The following ABCG1 variants were observed in gnomAD, a reference collection of about 807,000 sequenced individuals.
ABCG1 encodes the protein ATP binding cassette subfamily G member 1, also known as ATP-binding cassette sub-family G member 1.
Under a neutral mutation model 69.2 loss-of-function variants are expected in ABCG1, and 29 were observed. That is an observed-to-expected ratio of 0.42 (90% CI 0.31 to 0.57). The LOEUF (loss-of-function observed/expected upper bound fraction) is 0.57, where lower values mean the gene tolerates loss of function less well. ABCG1 is among the 20% of genes least tolerant of loss of function. ABCG1 has a pLI of 0.15. For missense variants in ABCG1, 718 were observed against 898.1 expected, an observed-to-expected ratio of 0.80 and a Z score of 2.56; for synonymous variants, 370 against 374.8, an observed-to-expected ratio of 0.99 and a Z score of 0.15.
chr21:42,260,527 A>G (rs2068390322), intron 2 of ABCG1, among the ~76,000 whole-genome samples: 1 of 152,150 alleles, frequency 6.6e-6, no homozygotes, highest in African/African-American at 2.4e-5. Context: ...GAGGAGCCGC[A>G]TGGAAGGGCC....
intron 2 of ABCG1, among the ~76,000 whole-genome samples, chr21:42,253,052 G>T (rs920401639): frequency 6.6e-6 from 1 of 152,198 alleles, no homozygotes; most frequent in African/African-American, 2.4e-5. Flanking sequence ...TAGCACACAG[G>T]GAGGGTCATG....
Position 42,276,618 on chromosome 21 carries a change from G to A in ABCG1, c.538-277G>A, listed in dbSNP as rs1340389597. On this transcript the variant is annotated intron_variant, in intron 4 of 14. Transcript: ENST00000398449. This position sits in a 1 kb window ranked among gnomAD's most constrained non-coding sequence, Gnocchi z 5.3. ...TAGCTGCACGGTGGCTAGTGGCACC[G>A]TGGCTAGCTGCATGGTGGCTAGTTG... The A allele has an allele frequency of 1.2e-5, 5 of 424,888 alleles. No homozygotes were observed. Among genetic ancestry groups the A allele is most frequent in the Non-Finnish European group, 2.1e-5 (5 of 235,866 alleles). The allele number at this position is 424,888 out of a possible 1,614,324, so 26.3% of individuals were successfully genotyped here.
At chr21:42,260,123 C>T (rs1177274805) in intron 2 of ABCG1, 23 of 1,550,300 alleles carry the variant, frequency 1.5e-5, no homozygotes, top group Admixed American at 5.9e-5. Context: ...GGTTTCCTGG[C>T]GATCCCATGG....
Position 42,287,625 on chromosome 21 carries a change from G to A in ABCG1, c.974-264G>A, listed in dbSNP as rs181561142. On this transcript the variant is annotated intron_variant, in intron 8 of 14. Coordinates refer to ENST00000398449, the MANE Select transcript of ABCG1 (RefSeq NM_016818.3). The surrounding 1 kb of genome is among the most constrained non-coding windows in gnomAD (Gnocchi z 6.2). Reference sequence around the variant, plus strand: ...CCGGCTGGATGAGCAGTCGGTAGATGCAGGAGCTCATTACTTCTCAGACCA... The same window carrying A: ...CCGGCTGGATGAGCAGTCGGTAGATACAGGAGCTCATTACTTCTCAGACCA... Among the ~76,000 whole-genome samples the A allele has an allele frequency of 2.6e-5, 4 of 152,192 alleles. No homozygotes were observed. Among genetic ancestry groups the A allele is most frequent in the Non-Finnish European group, 1.5e-5 (1 of 68,034 alleles).
At chr21:42,292,455 C>G (rs370708081) in intron 13 of ABCG1, among the ~76,000 whole-genome samples, 2 of 152,178 alleles carry the variant, frequency 1.3e-5, no homozygotes. Flanking sequence ...AGGCCAGCCC[C>G]AGTGCACCTG....
rs1475213378 is a variant in ABCG1, at chr21:42,294,430, GC to G, written c.1654-109del. On this transcript the variant is annotated intron_variant, in intron 13 of 14. Transcript: ENST00000398449. ...CCACATTAAGCATCATCATTACCCT[GC>G]CCAGAAGGTGCCCTGGCCCTGCCCG... The G allele has an allele frequency of 1.9e-5, 15 of 806,582 alleles. No individual in the cohort carries two copies. In the East Asian group the frequency reaches 3.4e-4, roughly 18 times the overall value. 50.0% of individuals were successfully genotyped at this position (806,582 alleles called of 1,614,324 possible).
Position 42,225,394 on chromosome 21 carries a change from T to C in ABCG1, c.43-277T>C, listed in dbSNP as rs571530266. On this transcript the variant is annotated intron_variant, in intron 1 of 14. Coordinates refer to ENST00000398449, the MANE Select transcript of ABCG1 (RefSeq NM_016818.3). ...CTTCTTTGAGGCAAGTGATGATTCA[T>C]GGATTATAGTTTTATGATTAGATTT... 5.3e-5 allele frequency among the ~76,000 whole-genome samples: 8 copies of C among 152,352 alleles called. No individual in the cohort carries two copies. The South Asian group carries it at 1.7e-3, about 32-fold the overall frequency.
chr21:42,240,265 T>A (rs1221675834), intron 2 of ABCG1, among the ~76,000 whole-genome samples: 1 of 152,036 alleles, frequency 6.6e-6, no homozygotes, highest in Non-Finnish European at 1.5e-5. Flanking sequence ...GGGCGATGAG[T>A]TCAAGTTCCT....
rs139448062 is a variant in ABCG1, at chr21:42,288,260, C to G, written c.1172C>G (p.Thr391Arg). Residue 391 changes from threonine to arginine, a missense_variant, in exon 10 of 15, where the codon ACG (threonine) becomes AGG (arginine). Thr to Arg is a moderately conservative substitution (Grantham distance 71). Coordinates refer to ENST00000398449, the MANE Select transcript of ABCG1 (RefSeq NM_016818.3). The surrounding 1 kb of genome is among the most constrained non-coding windows in gnomAD (Gnocchi z 4.8). ...GCHSFSASCLTQFCILFKRTF... is the reference protein window; with the variant it reads ...GCHSFSASCLRQFCILFKRTF... ...CACAGCTTCTCTGCCAGCTGCCTCA[C>G]GCAGTTCTGCATCCTCTTCAAGAGG... The G allele has an allele frequency of 1.9e-6, 3 of 1,614,184 alleles. No homozygotes were observed. The highest frequency in any genetic ancestry group is 2.5e-6 in the Non-Finnish European group (3 of 1,180,020).
chr21:42,210,418 A>G (rs767916231), intron 2 of ABCG1, among the ~76,000 whole-genome samples: 1 of 152,114 alleles, frequency 6.6e-6, no homozygotes, highest in African/African-American at 2.4e-5. Context: ...TGTGGGAAGG[A>G]GGCCTCCAGT....
Position 42,219,870 on chromosome 21 carries a change from A to C in ABCG1, c.42+566A>C, listed in dbSNP as rs1454996187. 8 of 1,535,442 alleles carry C rather than the reference A, an allele frequency of 5.2e-6. No homozygotes were observed. Among genetic ancestry groups the C allele is most frequent in the Non-Finnish European group, 3.5e-6 (4 of 1,141,704 alleles). The stretch of plus-strand genomic sequence containing the variant: ...CACCCTCTCCCGGACCCACTCGGGG[A>C]GGCGGCGGCGAAGGCCCGGGGAGAC... On this transcript the variant is annotated intron_variant, in intron 1 of 14. Transcript: ENST00000398449. The surrounding 1 kb of genome is among the most constrained non-coding windows in gnomAD (Gnocchi z 5.3).
rs556711653 is a variant in ABCG1 at position 42,281,336 on chromosome 21, C to T, written c.589-938C>T. Among the ~76,000 whole-genome samples the T allele has an allele frequency of 3.9e-5, 6 of 152,270 alleles. 1 individual carries two copies. In the East Asian group the frequency reaches 1.2e-3, roughly 29 times the overall value. Reference sequence around the variant, plus strand: ...GGAGGGAGCTCCAGGTGGGCTGTCCCCAGGGTAGGGAGGCAGGGATGGCAG... The same window carrying T: ...GGAGGGAGCTCCAGGTGGGCTGTCCTCAGGGTAGGGAGGCAGGGATGGCAG... On this transcript the variant is annotated intron_variant, in intron 5 of 14. Transcript: ENST00000398449.
chr21:42,264,470 C>T (rs1170582726), intron 2 of ABCG1, among the ~76,000 whole-genome samples: 2 of 149,110 alleles, frequency 1.3e-5, no homozygotes, highest in Admixed American at 6.8e-5. Context: ...TTCATCTATT[C>T]ATCCATCTGT....
chr21:42,275,599 GA>G (rs1337375339), intron 4 of ABCG1, among the ~76,000 whole-genome samples: 1 of 152,174 alleles, frequency 6.6e-6, no homozygotes, highest in Non-Finnish European at 1.5e-5. Flanking sequence ...ACATGCTCGA[GA>G]CCCTTCACTG....
At chr21:42,290,369 GTTGTA>G in intron 11 of ABCG1, 151 bp downstream of exon 11, 1 of 881,066 alleles carries the variant, frequency 1.1e-6, no homozygotes. Context: ...ACAGATGCAA[GTTGTA>G]TTGTATTTGC....
chr21:42,230,639 G>A (rs2067886842), intron 2 of ABCG1, among the ~76,000 whole-genome samples: 1 of 152,228 alleles, frequency 6.6e-6, no homozygotes, highest in African/African-American at 2.4e-5. Flanking sequence ...AGATTTTATC[G>A]TAAGCTGCTT....
chr21:42,230,449 C>A (rs1039839343), intron 2 of ABCG1, among the ~76,000 whole-genome samples: 4 of 152,202 alleles, frequency 2.6e-5, no homozygotes, highest in Non-Finnish European at 5.9e-5. Context: ...ACACAAACTG[C>A]GCTGGGGACA....
At chr21:42,254,290 G>A (rs931483779) in intron 2 of ABCG1, among the ~76,000 whole-genome samples, 6 of 152,292 alleles carry the variant, frequency 3.9e-5, no homozygotes, top group African/African-American at 9.6e-5. Context: ...GCATCCGTTC[G>A]AAATCCAGCG....
chr21:42,202,324 G>A (rs1175555612), intron 2 of ABCG1, among the ~76,000 whole-genome samples: 1 of 152,148 alleles, frequency 6.6e-6, no homozygotes, highest in Non-Finnish European at 1.5e-5. Flanking sequence ...ACAAACCTAG[G>A]GTTGAAGATC....
Sources: allele counts gnomAD v4.1 joint callset (sites outside exome capture counted in the v4.1 genomes callset), GRCh38; gene constraint gnomAD v4.1.1; non-coding constraint Gnocchi (gnomAD v3.1); transcripts MANE v1.5; gene names NCBI Gene and HGNC (gene_info 2026-07-23, HGNC 2026-07-21).